Variants in NRG2 observed in about 807,000 individuals in gnomAD.
The protein encoded by NRG2 is pro-neuregulin-2, membrane-bound isoform.
NRG2 carries 27 observed loss-of-function variants against 73.9 expected under a neutral mutation model. The observed-to-expected ratio is 0.37, with a 90% CI of 0.27 to 0.50. The LOEUF is 0.50. NRG2 is among the 20% of genes least tolerant of loss of function. The probability of loss-of-function intolerance (pLI) is 0.96; values close to 1 mark genes in which losing one functional copy is unlikely to be tolerated. For synonymous variants in NRG2, 532 were observed against 541.0 expected (o/e 0.98, Z 0.23); for missense variants, 1,126 against 1,210.1 (o/e 0.93, Z 1.03).
chr5:139,985,563 T>C (rs532839294), intron 1 of NRG2, among the ~76,000 whole-genome samples: 81 of 152,222 alleles, frequency 5.3e-4, no homozygotes, highest in Non-Finnish European at 1.0e-3. Context: ...TTGGGGTTAT[T>C]TAACTTCTGA....
At chr5:139,998,595 C>A (rs980791444) in intron 1 of NRG2, among the ~76,000 whole-genome samples, 4 of 152,144 alleles carry the variant, frequency 2.6e-5, no homozygotes, top group Non-Finnish European at 5.9e-5. Context: ...TTGGTCTCTA[C>A]TAGTGATGTG....
At chr5:140,009,035 G>A (rs1045442926) in intron 1 of NRG2, among the ~76,000 whole-genome samples, 2 of 152,188 alleles carry the variant, frequency 1.3e-5, no homozygotes, top group Non-Finnish European at 2.9e-5. Context: ...TGGCACTTAG[G>A]AGTCATTTAG....
intron 1 of NRG2, among the ~76,000 whole-genome samples, chr5:139,934,594 G>C (rs1390358189): frequency 6.6e-6 from 1 of 152,102 alleles, no homozygotes; most frequent in Admixed American, 6.5e-5. Flanking sequence ...AGAAAACATA[G>C]TCAAATGGTA....
intron 1 of NRG2, among the ~76,000 whole-genome samples, chr5:139,890,796 T>C (rs181134926): frequency 3.0e-4 from 46 of 152,314 alleles, no homozygotes; most frequent in Admixed American, 9.8e-4. Flanking sequence ...TGTTCCTTTA[T>C]TTTTGGAAAT....
intron 1 of NRG2, among the ~76,000 whole-genome samples, chr5:139,956,639 C>T (rs1754648414): frequency 6.6e-6 from 1 of 152,162 alleles, no homozygotes; most frequent in South Asian, 2.1e-4. Flanking sequence ...GACGGATTCA[C>T]CAGGCAAAGG....
chr5:139,940,040 T>C (rs1753270460), intron 1 of NRG2, among the ~76,000 whole-genome samples: 1 of 152,226 alleles, frequency 6.6e-6, no homozygotes, highest in Non-Finnish European at 1.5e-5. Context: ...GGTCAAATGG[T>C]ACAGTTTGGT....
chr5:140,016,238 G>A (rs1759768368), intron 1 of NRG2, among the ~76,000 whole-genome samples: 2 of 152,154 alleles, frequency 1.3e-5, no homozygotes, highest in Non-Finnish European at 2.9e-5. Flanking sequence ...GTCAGGGAGA[G>A]GAGTTGTAAC....
chr5:139,964,194 A>G (rs1755299348), intron 1 of NRG2, among the ~76,000 whole-genome samples: 1 of 152,196 alleles, frequency 6.6e-6, no homozygotes, highest in African/African-American at 2.4e-5. Flanking sequence ...TGATGGGAAG[A>G]AAAGCAGATC....
intron 1 of NRG2, among the ~76,000 whole-genome samples, chr5:139,973,517 A>G (rs1756141740): frequency 6.6e-6 from 1 of 152,000 alleles, no homozygotes; most frequent in Admixed American, 6.6e-5. Flanking sequence ...ATGTGCCTAC[A>G]CCCCTGGCTA....
At chr5:139,940,232 T>C (rs1040261362) in intron 1 of NRG2, among the ~76,000 whole-genome samples, 2 of 152,310 alleles carry the variant, frequency 1.3e-5, no homozygotes, top group African/African-American at 2.4e-5. Context: ...CATTGTGATA[T>C]ATAAAAACAA....
chr5:139,906,809 A>C (rs917094311), intron 1 of NRG2, among the ~76,000 whole-genome samples: 2 of 152,276 alleles, frequency 1.3e-5, no homozygotes, highest in Non-Finnish European at 2.9e-5. Context: ...AACAAACTGT[A>C]GTGAAGGAAG....
At chr5:139,975,887 CT>C (rs1756347981) in intron 1 of NRG2, among the ~76,000 whole-genome samples, 1 of 152,184 alleles carries the variant, frequency 6.6e-6, no homozygotes, top group Non-Finnish European at 1.5e-5. Flanking sequence ...GAAAATATAA[CT>C]TTTAGAGCTG....
At position 139,887,035 on chromosome 5, in the gene NRG2, A is replaced by G. The variant is rs1763913862; in HGVS notation, c.872+305T>C. Among the ~76,000 whole-genome samples, 3 of 152,210 alleles carry G rather than the reference A, an allele frequency of 2.0e-5. No homozygotes were observed. Among genetic ancestry groups the G allele is most frequent in the Non-Finnish European group, 2.9e-5 (2 of 68,040 alleles). ...GCAGGTTTTTCAAGAAGTTTTAGAGATGAGCAGGGTCTTCCACTGATCAAG... is the reference window on the plus strand; with the variant it reads ...GCAGGTTTTTCAAGAAGTTTTAGAGGTGAGCAGGGTCTTCCACTGATCAAG... On this transcript the variant is annotated intron_variant, in intron 2 of 9. Transcript: ENST00000361474. This position sits in a 1 kb window ranked among gnomAD's most constrained non-coding sequence, Gnocchi z 4.5.
chr5:139,990,009 T>G lies in NRG2; in HGVS notation c.700+52361A>C, dbSNP rs13181741. ...TTCACCATGTTAGCCAGGATGGTCT[T>G]GATCTCCTGACCTTGTGATCCGCCC... On this transcript the variant is annotated intron_variant, in intron 1 of 9. Transcript: ENST00000361474. Among the ~76,000 whole-genome samples, 32 of 150,716 alleles carry G rather than the reference T, an allele frequency of 2.1e-4. No individual in the cohort carries two copies. In the East Asian group the frequency reaches 6.1e-3, roughly 29 times the overall value.
chr5:139,957,112 C>T (rs1386530560), intron 1 of NRG2, among the ~76,000 whole-genome samples: 1 of 152,214 alleles, frequency 6.6e-6, no homozygotes, highest in East Asian at 1.9e-4. Context: ...CCCAGCTGGC[C>T]AGGCCCTCTC....
At chr5:139,988,139 C>T (rs1445815984) in intron 1 of NRG2, among the ~76,000 whole-genome samples, 1 of 152,014 alleles carries the variant, frequency 6.6e-6, no homozygotes, top group Non-Finnish European at 1.5e-5. Flanking sequence ...AAGTCCAGAA[C>T]ATGACAACAC....
intron 1 of NRG2, among the ~76,000 whole-genome samples, chr5:139,901,415 C>T (rs1321170811): frequency 6.6e-6 from 1 of 152,136 alleles, no homozygotes; most frequent in Non-Finnish European, 1.5e-5. Flanking sequence ...TCAGCAGGGT[C>T]AGCCAGGGGC....
chr5:139,867,274 C>A (rs1195271994), intron 4 of NRG2, among the ~76,000 whole-genome samples: 1 of 152,124 alleles, frequency 6.6e-6, no homozygotes, highest in Non-Finnish European at 1.5e-5. Flanking sequence ...GGCATCTCCC[C>A]CAGGGGAGGC....
At chr5:139,862,296 T>C (rs1434823299) in intron 5 of NRG2, among the ~76,000 whole-genome samples, 2 of 152,156 alleles carry the variant, frequency 1.3e-5, no homozygotes, top group Admixed American at 1.3e-4. Context: ...GTGGCTGGCA[T>C]GATTGGTGGG....
Sources: gnomAD v4.1 joint callset for allele counts (sites outside exome capture counted in the v4.1 genomes callset) on GRCh38, gnomAD v4.1.1 for gene constraint, Gnocchi (gnomAD v3.1) non-coding constraint, MANE v1.5 for transcripts, NCBI Gene and HGNC (gene_info 2026-07-23, HGNC 2026-07-21) for gene names.